KIF21A: variants seen among roughly 807,000 people sequenced by gnomAD.
KIF21A encodes the protein kinesin-like protein KIF21A.
KIF21A carries 114 observed loss-of-function variants against 202.9 expected under a neutral mutation model. The ratio of observed to expected loss-of-function variants is 0.56; its 90% CI spans 0.48 to 0.66. KIF21A has a LOEUF of 0.66. KIF21A is among the 30% of genes least tolerant of loss of function. The pLI, the probability that KIF21A is intolerant of heterozygous loss-of-function variation, is 0.00. For missense variants in KIF21A, 1,677 were observed against 1,994.9 expected (o/e 0.84, Z 3.04); for synonymous variants, 667 against 670.8 (o/e 0.99, Z 0.09).
At chr12:39,323,639 G>A (rs1945532561) in intron 26 of KIF21A, among the ~76,000 whole-genome samples, 1 of 152,110 alleles carries the variant, frequency 6.6e-6, no homozygotes, top group Non-Finnish European at 1.5e-5. Flanking sequence ...TGCTCAGTTA[G>A]TTGTTGATGT....
At chr12:39,379,601 G>A (rs975966943) in intron 1 of KIF21A, among the ~76,000 whole-genome samples, 9 of 152,110 alleles carry the variant, frequency 5.9e-5, no homozygotes, top group African/African-American at 2.2e-4. Flanking sequence ...GGGCTCCCTT[G>A]CCCTCAGGCT....
chr12:39,373,517 T>C (rs1004769785), intron 1 of KIF21A, among the ~76,000 whole-genome samples: 12 of 152,166 alleles, frequency 7.9e-5, no homozygotes, highest in African/African-American at 2.7e-4. Flanking sequence ...ATGGCTGCTA[T>C]ACTACTCTGT....
At chr12:39,339,830 AC>A (rs2138352271) in intron 16 of KIF21A, among the ~76,000 whole-genome samples, 1 of 152,284 alleles carries the variant, frequency 6.6e-6, no homozygotes, top group Admixed American at 6.5e-5. Context: ...TTTAAACTAG[AC>A]TGTGGATACA....
chr12:39,309,806 T>C (rs1425451662), intron 32 of KIF21A, 40 bp from the exon 33 acceptor site: 3 of 1,511,874 alleles, frequency 2.0e-6, no homozygotes, highest in East Asian at 2.3e-5. Context: ...ACCATTAATA[T>C]GAACTACTTT....
chr12:39,305,067 T>C (rs1943321275), intron 34 of KIF21A, 129 bp from the exon 35 acceptor site: 1 of 618,816 alleles, frequency 1.6e-6, no homozygotes, highest in East Asian at 3.1e-5. Flanking sequence ...TTGTATATGT[T>C]TAGAGATGGG....
At chr12:39,365,919 A>G (rs1342733223) in intron 6 of KIF21A, among the ~76,000 whole-genome samples, 7 of 152,188 alleles carry the variant, frequency 4.6e-5, no homozygotes, top group South Asian at 2.1e-4. Context: ...GGGAAGATCA[A>G]TTGAGCCCGT....
chr12:39,311,620 A>G, intron 31 of KIF21A, 67 bp from the exon 32 acceptor site: 1 of 1,575,246 alleles, frequency 6.3e-7, no homozygotes, highest in South Asian at 1.1e-5. Context: ...TCATGAGACT[A>G]GTTTTGTTTT....
chr12:39,323,050 T>C lies in KIF21A; in HGVS notation c.3457-168A>G, dbSNP rs562989625. Among the ~76,000 whole-genome samples, 4 of 118,176 alleles carry C rather than the reference T, an allele frequency of 3.4e-5. No homozygotes were observed. In the East Asian group the frequency reaches 1.4e-3, roughly 40 times the overall value. The allele number at this position is 118,176 out of a possible 152,430, so 77.5% of individuals were successfully genotyped here. On this transcript the variant is annotated intron_variant, in intron 26 of 37. Transcript: ENST00000361418. ...TAGTGACAAGCCAGAGCTATATAGC[T>C]AGATAAACCTTTAGAGGCCAAAATA...
intron 1 of KIF21A, among the ~76,000 whole-genome samples, chr12:39,386,866 A>G (rs2139558889): frequency 6.6e-6 from 1 of 152,270 alleles, no homozygotes; most frequent in Non-Finnish European, 1.5e-5. Flanking sequence ...CAAGAGGTTC[A>G]GAAGACACAA....
chr12:39,304,393 T>TG (rs1175173510), intron 35 of KIF21A, among the ~76,000 whole-genome samples: 2 of 152,242 alleles, frequency 1.3e-5, no homozygotes, highest in Non-Finnish European at 2.9e-5. Flanking sequence ...ACTCTAGACT[T>TG]GAATTTCTAA....
intron 1 of KIF21A, among the ~76,000 whole-genome samples, chr12:39,408,826 G>GT (rs1274076160): frequency 6.1e-4 from 86 of 140,356 alleles, no homozygotes; most frequent in Middle Eastern, 3.5e-3. Flanking sequence ...GTTTTTTTTT[G>GT]TTTTTTTTTT....
chr12:39,413,159 C>T (rs958529620), intron 1 of KIF21A, among the ~76,000 whole-genome samples: 1 of 152,156 alleles, frequency 6.6e-6, no homozygotes, highest in African/African-American at 2.4e-5. Flanking sequence ...AATTACCTAA[C>T]TGAACTTCTT....
intron 1 of KIF21A, among the ~76,000 whole-genome samples, chr12:39,382,442 G>C (rs991591039): frequency 6.6e-6 from 1 of 151,982 alleles, no homozygotes; most frequent in East Asian, 1.9e-4. Flanking sequence ...ACAATTACAG[G>C]TAATCTGGTT....
rs397714587 is a variant in KIF21A at position 39,325,498 on chromosome 12, A to ATT, written c.3456+339_3456+340dup. On this transcript the variant is annotated intron_variant, in intron 26 of 37. Coordinates refer to ENST00000361418, the MANE Select transcript of KIF21A (RefSeq NM_001173464.2). The stretch of plus-strand genomic sequence containing the variant: ...AGGCACCTACCACCACGCCCAGCTA[A>ATT]TTTTTTTTTTTTTTTTTTGTATTTT... Among the ~76,000 whole-genome samples, 239 of 121,438 alleles carry ATT rather than the reference A, an allele frequency of 2.0e-3. 1 individual carries two copies. The highest frequency in any genetic ancestry group is 4.4e-3 in the Admixed American group (53 of 12,104). The allele number at this position is 121,438 out of a possible 152,430, so 79.7% of individuals were successfully genotyped here.
chr12:39,302,280 G>T (rs529437988), intron 36 of KIF21A, among the ~76,000 whole-genome samples: 1 of 152,210 alleles, frequency 6.6e-6, no homozygotes, highest in East Asian at 1.9e-4. Context: ...ATGCAACACT[G>T]TATATGCATC....
intron 7 of KIF21A, among the ~76,000 whole-genome samples, chr12:39,360,135 T>A (rs1565956323): frequency 6.6e-6 from 1 of 152,022 alleles, no homozygotes; most frequent in Non-Finnish European, 1.5e-5. Context: ...CATCATATAT[T>A]AAACAAAACC....
Position 39,337,163 on chromosome 12 carries a change from G to T in KIF21A, c.2351C>A (p.Ala784Asp), listed in dbSNP as rs1247162394. The change falls in exon 17 of 38, where the codon GCC (alanine) becomes GAC (aspartate). Residue 784 changes from alanine (A) to aspartate (D), a missense_variant. Ala to Asp is a moderately radical substitution (Grantham distance 126, BLOSUM62 -2). Coordinates refer to ENST00000361418, the MANE Select transcript of KIF21A (RefSeq NM_001173464.2). ...MKQMKEEQEK[A>D]RLTESRRNRE... ...GTTTCTTCTAGACTCAGTCAGTCTG[G>T]CTTTCTCTTGTTCTTCTTTCATTTG... The T allele has an allele frequency of 6.2e-7, 1 of 1,612,276 alleles. No individual in the cohort carries two copies. Among genetic ancestry groups the T allele is most frequent in the Non-Finnish European group, 8.5e-7 (1 of 1,179,374 alleles).
In KIF21A at chr12:39,428,490, G is replaced by A. The variant is rs1045737815; in HGVS notation, c.44+14437C>T. Among the ~76,000 whole-genome samples the A allele has an allele frequency of 5.9e-5, 9 of 152,180 alleles. No individual in the cohort carries two copies. The East Asian group carries it at 7.7e-4, about 13-fold the overall frequency. On this transcript the variant is annotated intron_variant, in intron 1 of 37. Transcript: ENST00000361418. ...CAATCAAGACCCAATTATTGAGTAAGATCCTTAGAAAAAACAGAGTCACAA... is the reference window on the plus strand; with the variant it reads ...CAATCAAGACCCAATTATTGAGTAAAATCCTTAGAAAAAACAGAGTCACAA...
chr12:39,376,838 G>A (rs1950299865), intron 1 of KIF21A, among the ~76,000 whole-genome samples: 1 of 151,970 alleles, frequency 6.6e-6, no homozygotes, highest in African/African-American at 2.4e-5. Flanking sequence ...ACATCACAAG[G>A]GATAAGCCTT....
Sources: allele counts gnomAD v4.1 joint callset (sites outside exome capture counted in the v4.1 genomes callset), GRCh38; gene constraint gnomAD v4.1.1; transcripts MANE v1.5; gene names NCBI Gene and HGNC (gene_info 2026-07-23, HGNC 2026-07-21).